The following MANEA variants were observed in gnomAD, a reference collection of about 807,000 sequenced individuals.
MANEA encodes glycoprotein endo-alpha-1,2-mannosidase.
In MANEA, 25 loss-of-function variants were observed where a neutral mutation model predicts 36.8. That is an observed-to-expected ratio of 0.68 (90% confidence interval 0.50 to 0.95). The LOEUF is 0.95. Among genes scored for constraint, MANEA ranks in the 40% least tolerant of loss-of-function variants. MANEA has a pLI of 0.00. For synonymous variants in MANEA, 198 were observed against 188.5 expected (o/e 1.05, Z -0.41); for missense variants, 565 against 558.8 (o/e 1.01, Z -0.11).
chr6:95,607,686 C>T lies in MANEA; in HGVS notation c.*1281C>T, dbSNP rs1769742203. On this transcript the variant is annotated 3_prime_UTR_variant, in exon 5 of 5. Transcript: ENST00000358812. Reference sequence around the variant, plus strand: ...TTGTCATGTTGTGACAAATTGATCACTTGTGTACGAAAAATAAATCTCCTT... The same window carrying T: ...TTGTCATGTTGTGACAAATTGATCATTTGTGTACGAAAAATAAATCTCCTT... 1 of 151,630 alleles carries T rather than the reference C, an allele frequency of 6.6e-6. No individual in the cohort carries two copies. The highest frequency in any genetic ancestry group is 1.5e-5 in the Non-Finnish European group (1 of 67,752). The allele number at this position is 151,630 out of a possible 1,614,324, so 9.4% of individuals were successfully genotyped here. A position where few individuals can be genotyped will look rare whatever the true frequency, so the allele number is the denominator to read the frequency against.
chr6:95,594,054 C>G (rs1244475594), intron 2 of MANEA, among the ~76,000 whole-genome samples: 1 of 151,032 alleles, frequency 6.6e-6, no homozygotes, highest in African/African-American at 2.4e-5. Flanking sequence ...GAGCAAGATT[C>G]CGTCTCAAAA....
At chr6:95,589,779 C>G (rs929157900) in intron 2 of MANEA, among the ~76,000 whole-genome samples, 1 of 151,960 alleles carries the variant, frequency 6.6e-6, no homozygotes, top group Non-Finnish European at 1.5e-5. Context: ...ATGTGGACAT[C>G]GTAATTCCCA....
chr6:95,594,630 A>G (rs1769452326), intron 2 of MANEA, among the ~76,000 whole-genome samples: 1 of 152,066 alleles, frequency 6.6e-6, no homozygotes, highest in Non-Finnish European at 1.5e-5. Flanking sequence ...TATACTATTT[A>G]TTGTTCTTTA....
At chr6:95,596,690 C>A in intron 2 of MANEA, 47 bp from the exon 3 acceptor site, 1 of 963,668 alleles carries the variant, frequency 1.0e-6, no homozygotes, top group Non-Finnish European at 1.7e-6. Context: ...AGAATATCTG[C>A]ATTCATGTTC....
chr6:95,589,870 G>C (rs183138685), intron 2 of MANEA: 1 of 152,234 alleles, frequency 6.6e-6, no homozygotes, highest in East Asian at 1.9e-4. Flanking sequence ...ATCTGAACTT[G>C]AGATGGCATT....
intron 3 of MANEA, among the ~76,000 whole-genome samples, chr6:95,598,104 C>T (rs1056476512): frequency 1.3e-5 from 2 of 151,816 alleles, no homozygotes; most frequent in African/African-American, 2.4e-5. Flanking sequence ...TAGAAAAAAA[C>T]GTATAAAAGA....
At chr6:95,596,895 AGAG>A (rs1769493449) in intron 3 of MANEA, 49 bp downstream of exon 3, 2 of 882,796 alleles carry the variant, frequency 2.3e-6, no homozygotes. Flanking sequence ...CTTTTGGACA[AGAG>A]GAGAGTAATA....
At chr6:95,594,499 G>A (rs916290677) in intron 2 of MANEA, among the ~76,000 whole-genome samples, 1 of 152,088 alleles carries the variant, frequency 6.6e-6, no homozygotes, top group Non-Finnish European at 1.5e-5. Flanking sequence ...AACTATGAAG[G>A]TAATTTTTAG....
rs117238191 is a variant in MANEA at position 95,606,774 on chromosome 6, T to A, written c.*369T>A. On this transcript the variant is annotated 3_prime_UTR_variant, in exon 5 of 5. Transcript: ENST00000358812. ...ACATCCTAGACCCAAATAAATAGGA[T>A]TGTGTGTATATTTGGGATATCTATT... 6.5e-6 allele frequency: 1 copy of A among 153,426 alleles called. No individual in the cohort carries two copies. Among genetic ancestry groups the A allele is most frequent in the Non-Finnish European group, 1.4e-5 (1 of 69,004 alleles). The allele number at this position is 153,426 out of a possible 1,614,324, so 9.5% of individuals were successfully genotyped here. A position where few individuals can be genotyped will look rare whatever the true frequency, so the allele number is the denominator to read the frequency against.
chr6:95,605,688 T>C lies in MANEA; in HGVS notation c.732-60T>C. The C allele has an allele frequency of 6.9e-6, 9 of 1,308,342 alleles. No individual in the cohort carries two copies. The South Asian group carries it at 1.2e-4, about 17-fold the overall frequency. The allele number at this position is 1,308,342 out of a possible 1,614,324, so 81.0% of individuals were successfully genotyped here. A position where few individuals can be genotyped will look rare whatever the true frequency, so the allele number is the denominator to read the frequency against. On this transcript the variant is annotated intron_variant, in intron 4 of 4. Coordinates refer to ENST00000358812, the MANE Select transcript of MANEA (RefSeq NM_024641.4). ...CTCCTTCATTTTCAGTAAACAGTTT[T>C]TGTCTGTGGCAAATTAGTTGTGAAT... is the stretch of plus-strand genomic sequence containing the variant.
At chr6:95,579,348 G>A (rs1326619144) in intron 1 of MANEA, among the ~76,000 whole-genome samples, 1 of 152,114 alleles carries the variant, frequency 6.6e-6, no homozygotes. Context: ...ACTTCAGCAT[G>A]GCAACAGAGT....
At chr6:95,594,550 C>T (rs1298405224) in intron 2 of MANEA, among the ~76,000 whole-genome samples, 4 of 152,054 alleles carry the variant, frequency 2.6e-5, no homozygotes, top group Non-Finnish European at 5.9e-5. Flanking sequence ...TTGCATGTTG[C>T]TGTTGTCTTG....
intron 1 of MANEA, among the ~76,000 whole-genome samples, chr6:95,582,173 CTTTTTT>C (rs67978183): frequency 1.3e-5 from 1 of 79,360 alleles, no homozygotes; most frequent in Admixed American, 1.4e-4. Flanking sequence ...GTTGTATCAT[CTTTTTT>C]TTTTTTTTTT....
At chr6:95,602,997 G>A (rs1219132153) in intron 3 of MANEA, among the ~76,000 whole-genome samples, 3 of 138,168 alleles carry the variant, frequency 2.2e-5, no homozygotes, top group Admixed American at 7.6e-5. Flanking sequence ...TCCGCAGTCC[G>A]GCCTGGGCGA....
Position 95,607,726 on chromosome 6 carries a change from A to G in MANEA, c.*1321A>G, listed in dbSNP as rs879572322. ...TAAATCTCCTTAAAAACTAAATAAAATGCACTGTATTCTTACAGTTAATGT... is the reference window on the plus strand; with the variant it reads ...TAAATCTCCTTAAAAACTAAATAAAGTGCACTGTATTCTTACAGTTAATGT... On this transcript the variant is annotated 3_prime_UTR_variant, in exon 5 of 5. Coordinates refer to ENST00000358812, the MANE Select transcript of MANEA (RefSeq NM_024641.4). 3 of 151,706 alleles carry G rather than the reference A, an allele frequency of 2.0e-5. No homozygotes were observed. Among genetic ancestry groups the G allele is most frequent in the Admixed American group, 6.6e-5 (1 of 15,220 alleles). The allele number at this position is 151,706 out of a possible 1,614,324, so 9.4% of individuals were successfully genotyped here.
chr6:95,608,141 T>A lies in MANEA; in HGVS notation c.*1736T>A, dbSNP rs1769751452. 6.6e-6 allele frequency: 1 copy of A among 151,858 alleles called. No individual in the cohort carries two copies. The allele number at this position is 151,858 out of a possible 1,614,324, so 9.4% of individuals were successfully genotyped here. On this transcript the variant is annotated 3_prime_UTR_variant, in exon 5 of 5. Coordinates refer to ENST00000358812, the MANE Select transcript of MANEA (RefSeq NM_024641.4). ...CTGATATTTTGATACAAGCAAGCAC[T>A]TACATGGTAATCACTATATAGATCC...
At position 95,586,888 on chromosome 6, in the gene MANEA, T is replaced by C. The variant is rs752633261; in HGVS notation, c.449T>C (p.Ile150Thr). Residue 150 changes from isoleucine (I) to threonine (T), a missense_variant, in exon 2 of 5, where the codon ATT (isoleucine) becomes ACT (threonine). Ile to Thr is a moderately conservative substitution (Grantham distance 89). Coordinates refer to ENST00000358812, the MANE Select transcript of MANEA (RefSeq NM_024641.4). Reference protein sequence around the residue: ...PQGRHNPPDDIGSSFYPELGS... With the variant: ...PQGRHNPPDDTGSSFYPELGS... Reference sequence around the variant, plus strand: ...GGGAGACACAACCCTCCAGATGACATTGGCTCCAGCTTTTATCCTGAATTG... The same window carrying C: ...GGGAGACACAACCCTCCAGATGACACTGGCTCCAGCTTTTATCCTGAATTG... 4 of 1,613,616 alleles carry C rather than the reference T, an allele frequency of 2.5e-6. No individual in the cohort carries two copies. Among genetic ancestry groups the C allele is most frequent in the Non-Finnish European group, 2.5e-6 (3 of 1,179,594 alleles).
intron 1 of MANEA, among the ~76,000 whole-genome samples, chr6:95,583,377 T>C (rs1769219378): frequency 6.6e-6 from 1 of 152,082 alleles, no homozygotes; most frequent in Non-Finnish European, 1.5e-5. Context: ...TGTATCCATA[T>C]ATAACATAAG....
intron 3 of MANEA, among the ~76,000 whole-genome samples, chr6:95,601,306 A>G (rs1475390722): frequency 2.6e-5 from 4 of 152,192 alleles, no homozygotes; most frequent in Admixed American, 1.3e-4. Flanking sequence ...TATTTGGTAG[A>G]TTCCGTCATT....
Sources: allele counts gnomAD v4.1 joint callset (sites outside exome capture counted in the v4.1 genomes callset), GRCh38; gene constraint gnomAD v4.1.1; transcripts MANE v1.5; gene names NCBI Gene and HGNC (gene_info 2026-07-23, HGNC 2026-07-21).